The following NLGN4X variants were observed in gnomAD, a reference collection of about 807,000 sequenced individuals.
The protein encoded by NLGN4X is neuroligin 4 X-linked, also known as neuroligin-4, X-linked.
A neutral mutation model predicts 40.3 loss-of-function variants in NLGN4X; 3 were observed. The ratio of observed to expected loss-of-function variants is 0.07; its 90% confidence interval spans 0.03 to 0.19. NLGN4X has a LOEUF of 0.19. NLGN4X is among the 10% of genes least tolerant of loss of function. The pLI, the probability that NLGN4X is intolerant of heterozygous loss-of-function variation, is 1.00. For synonymous variants in NLGN4X, 270 were observed against 306.8 expected (o/e 0.88, Z 1.25); for missense variants, 382 against 708.3 (o/e 0.54, Z 5.23).
At chrX:6,096,819 G>A (rs1482474681) in intron 2 of NLGN4X, among the ~76,000 whole-genome samples, 1 of 111,710 alleles carries the variant, frequency 9.0e-6, no homozygotes, top group African/African-American at 3.3e-5. Flanking sequence ...TTGAGCCACA[G>A]GGAACCTAAC....
intron 2 of NLGN4X, among the ~76,000 whole-genome samples, chrX:6,034,711 GGTT>G (rs2036956342): frequency 1.5e-4 from 1 of 6,553 alleles, no homozygotes; most frequent in African/African-American, 3.3e-4. Flanking sequence ...TCTCATCATA[GGTT>G]TTTTTTTTTT....
At chrX:5,981,507 GA>G (rs1050322359) in intron 3 of NLGN4X, among the ~76,000 whole-genome samples, 1 of 107,573 alleles carries the variant, frequency 9.3e-6, no homozygotes, top group Admixed American at 1.0e-4. Flanking sequence ...TAGATAATGA[GA>G]TTTTTTAAAA....
At chrX:6,095,973 T>A (rs144159903) in intron 2 of NLGN4X, among the ~76,000 whole-genome samples, 333 of 112,486 alleles carry the variant, frequency 3.0e-3, no homozygotes, top group African/African-American at 9.8e-3. Context: ...GTTTGGAGTA[T>A]CAGGGCATCT....
intron 1 of NLGN4X, among the ~76,000 whole-genome samples, chrX:6,164,050 T>C (rs758357766): frequency 8.8e-6 from 1 of 113,036 alleles, no homozygotes; most frequent in African/African-American, 3.2e-5. Context: ...TTCCACCACC[T>C]GCTCCACTCA....
intron 3 of NLGN4X, among the ~76,000 whole-genome samples, chrX:6,020,195 C>T (rs999552378): frequency 1.8e-5 from 2 of 111,269 alleles, no homozygotes; most frequent in African/African-American, 6.5e-5. Context: ...ATGGAATCAA[C>T]CTGAATGTCC....
At chrX:6,173,883 C>T (rs941788248) in intron 1 of NLGN4X, among the ~76,000 whole-genome samples, 6 of 110,953 alleles carry the variant, frequency 5.4e-5, no homozygotes, top group Admixed American at 4.8e-4. Context: ...ATGGTGAAAC[C>T]CTGTCTCTAC....
chrX:6,144,801 G>C (rs947090002), intron 2 of NLGN4X, among the ~76,000 whole-genome samples: 6 of 110,999 alleles, frequency 5.4e-5, no homozygotes, highest in African/African-American at 2.0e-4. Context: ...TAATTCAATC[G>C]GCAACCTTAA....
chrX:5,964,920 T>C (rs2034777226), intron 3 of NLGN4X, among the ~76,000 whole-genome samples: 1 of 112,443 alleles, frequency 8.9e-6, no homozygotes, highest in Non-Finnish European at 1.9e-5. Context: ...GAACCTCTTC[T>C]AGATAAGGTT....
chrX:6,175,267 A>T (rs1408758172), intron 1 of NLGN4X, among the ~76,000 whole-genome samples: 1 of 111,293 alleles, frequency 9.0e-6, no homozygotes, highest in Non-Finnish European at 1.9e-5. Flanking sequence ...AAATAATATG[A>T]TTAGGAGAAA....
chrX:6,106,019 G>C (rs944433521), intron 2 of NLGN4X, among the ~76,000 whole-genome samples: 1 of 111,359 alleles, frequency 9.0e-6, no homozygotes, highest in African/African-American at 3.3e-5. Context: ...AGAGGAAGGG[G>C]ACTCAGAACT....
chrX:6,092,059 T>C (rs1202040501), intron 2 of NLGN4X, among the ~76,000 whole-genome samples: 1 of 101,618 alleles, frequency 9.8e-6, no homozygotes, highest in African/African-American at 3.5e-5. Flanking sequence ...GGTGAAACCT[T>C]CTCAAAGGAA....
chrX:6,223,315 G>A (rs1284758945), intron 1 of NLGN4X, among the ~76,000 whole-genome samples: 2 of 110,985 alleles, frequency 1.8e-5, no homozygotes, highest in South Asian at 3.8e-4. Context: ...AACTGAACAC[G>A]AGATGTCTAA....
At chrX:6,129,270 C>T (rs1743274026) in intron 2 of NLGN4X, among the ~76,000 whole-genome samples, 1 of 112,089 alleles carries the variant, frequency 8.9e-6, no homozygotes, top group African/African-American at 3.2e-5. Flanking sequence ...TCTTCAGCAG[C>T]TTGGAAGACC....
chrX:6,154,217 C>A (rs961957421), intron 1 of NLGN4X, among the ~76,000 whole-genome samples: 23 of 111,734 alleles, frequency 2.1e-4, no homozygotes, highest in African/African-American at 6.5e-4. Context: ...GCCCAGGGGC[C>A]AAAACCACCC....
At chrX:6,220,622 C>T (rs915364968) in intron 1 of NLGN4X, among the ~76,000 whole-genome samples, 1 of 109,182 alleles carries the variant, frequency 9.2e-6, no homozygotes, top group Non-Finnish European at 1.9e-5. Flanking sequence ...AGAAAATGGA[C>T]ACCTGTCCCT....
At chrX:5,992,616 G>T (rs2035713155) in intron 3 of NLGN4X, among the ~76,000 whole-genome samples, 1 of 111,170 alleles carries the variant, frequency 9.0e-6, no homozygotes, top group African/African-American at 3.3e-5. Context: ...AAATAAAAAA[G>T]AAAAGAAAAG....
intron 2 of NLGN4X, among the ~76,000 whole-genome samples, chrX:6,064,020 T>C (rs2037838411): frequency 1.8e-5 from 2 of 111,474 alleles, no homozygotes; most frequent in Admixed American, 1.9e-4. Flanking sequence ...CTTATTTCTG[T>C]CCTATTTTTA....
At chrX:5,931,699 C>T (rs2033550369) in intron 3 of NLGN4X, among the ~76,000 whole-genome samples, 1 of 111,321 alleles carries the variant, frequency 9.0e-6, no homozygotes, top group Admixed American at 9.6e-5. Context: ...CATAATGCCC[C>T]TTCCTCCACA....
At chrX:5,973,954 C>T (rs1404433324) in intron 3 of NLGN4X, among the ~76,000 whole-genome samples, 4 of 112,318 alleles carry the variant, frequency 3.6e-5, no homozygotes, top group South Asian at 7.4e-4. Context: ...CATATATGTG[C>T]CTGTGACAGA....
Sources: gnomAD v4.1 joint callset for allele counts (sites outside exome capture counted in the v4.1 genomes callset) on GRCh38, gnomAD v4.1.1 for gene constraint, MANE v1.5 for transcripts, NCBI Gene and HGNC (gene_info 2026-07-23, HGNC 2026-07-21) for gene names.